The following CBFA2T2 variants were observed in gnomAD, a reference collection of about 807,000 sequenced individuals.
CBFA2T2 encodes the protein CBFA2/RUNX1 partner transcriptional co-repressor 2.
In CBFA2T2, 11 loss-of-function variants were observed where a neutral mutation model predicts 62.2. The observed-to-expected ratio is 0.18, with a 90% CI of 0.11 to 0.29. CBFA2T2 has a LOEUF of 0.29. Among genes scored for constraint, CBFA2T2 ranks in the 10% least tolerant of loss-of-function variants. The pLI, the probability that CBFA2T2 is intolerant of heterozygous loss-of-function variation, is 1.00. For synonymous variants in CBFA2T2, 295 were observed against 287.5 expected (o/e 1.03, Z -0.27); for missense variants, 592 against 774.1 (o/e 0.76, Z 2.79).
chr20:33,643,806 TATATATATATA>T (rs2016945547), intron 10 of CBFA2T2, among the ~76,000 whole-genome samples: 4 of 66,890 alleles, frequency 6.0e-5, no homozygotes, highest in Non-Finnish European at 8.3e-5. Flanking sequence ...TATATATATA[TATATATATATA>T]GTATATAATG....
chr20:33,604,924 A>G (rs1312432173), intron 1 of CBFA2T2, among the ~76,000 whole-genome samples: 1 of 152,228 alleles, frequency 6.6e-6, no homozygotes, highest in Non-Finnish European at 1.5e-5. Context: ...AAGAAAAGGC[A>G]AGCGCAACAG....
intron 3 of CBFA2T2, among the ~76,000 whole-genome samples, chr20:33,617,255 C>T (rs1229402186): frequency 6.6e-6 from 1 of 152,048 alleles, no homozygotes; most frequent in African/African-American, 2.4e-5. Context: ...AATTTTTAAG[C>T]AAATACGTCT....
At chr20:33,636,794 G>A in intron 9 of CBFA2T2, 86 bp downstream of exon 9, 2 of 988,648 alleles carry the variant, frequency 2.0e-6, no homozygotes, top group Non-Finnish European at 3.2e-6. Context: ...GTTGGTAACT[G>A]GGTCCTTTGG....
chr20:33,623,004 CAAGGAGAG>C, intron 4 of CBFA2T2, 103 bp from the exon 5 acceptor site: 1 of 965,392 alleles, frequency 1.0e-6, no homozygotes, highest in Admixed American at 2.6e-5. Flanking sequence ...ATCAGACTGC[CAAGGAGAG>C]AAAGGCTTTT....
At chr20:33,494,254 TATATATATATATA>T (rs2011172730) in intron 1 of CBFA2T2, among the ~76,000 whole-genome samples, 1 of 74,466 alleles carries the variant, frequency 1.3e-5, no homozygotes, top group African/African-American at 5.9e-5. Context: ...TATATATATA[TATATATATATATA>T]TATATATTTT....
At chr20:33,624,236 TAAAAAA>T (rs373462820) in intron 5 of CBFA2T2, among the ~76,000 whole-genome samples, 1,563 of 70,036 alleles carry the variant, frequency 0.022, 30 homozygotes, top group African/African-American at 0.065. Context: ...TTTTTAAAAG[TAAAAAA>T]AAAAAAAAAA....
intron 1 of CBFA2T2, among the ~76,000 whole-genome samples, chr20:33,508,363 G>A (rs1003418423): frequency 1.1e-4 from 17 of 152,130 alleles, no homozygotes; most frequent in African/African-American, 3.9e-4. Flanking sequence ...CCAAAGTGCT[G>A]GGAGAACAGG....
intron 1 of CBFA2T2, among the ~76,000 whole-genome samples, chr20:33,526,466 G>T (rs2011890390): frequency 6.6e-6 from 1 of 152,050 alleles, no homozygotes; most frequent in Non-Finnish European, 1.5e-5. Context: ...ACCACATTTT[G>T]TTTATTCATT....
chr20:33,516,164 C>CTT (rs1379285538), intron 1 of CBFA2T2, among the ~76,000 whole-genome samples: 1 of 151,810 alleles, frequency 6.6e-6, no homozygotes, highest in Non-Finnish European at 1.5e-5. Context: ...AAAAAATGAA[C>CTT]AATAATTTAA....
At chr20:33,525,106 G>C (rs2011848833) in intron 1 of CBFA2T2, among the ~76,000 whole-genome samples, 1 of 152,112 alleles carries the variant, frequency 6.6e-6, no homozygotes, top group African/African-American at 2.4e-5. Context: ...AGAGTGCTGG[G>C]ATTACAGGCG....
intron 1 of CBFA2T2, chr20:33,562,337 AG>A: frequency 1.0e-6 from 1 of 976,964 alleles, no homozygotes; most frequent in African/African-American, 1.7e-5. Context: ...GAGGGTTGGA[AG>A]GGTAGTGGAG....
chr20:33,544,955 T>G (rs199662904), intron 1 of CBFA2T2, among the ~76,000 whole-genome samples: 2 of 50,754 alleles, frequency 3.9e-5, no homozygotes, highest in African/African-American at 1.3e-4. Context: ...CAGAATAGAA[T>G]AGAATAGAAT....
intron 1 of CBFA2T2, among the ~76,000 whole-genome samples, chr20:33,551,507 C>T (rs1568815023): frequency 6.6e-6 from 1 of 151,996 alleles, no homozygotes. Flanking sequence ...TGAGCCACCA[C>T]ACCCAGCTCT....
In CBFA2T2 at chr20:33,537,305, C is replaced by T. The variant is rs141278476; in HGVS notation, c.34+47004C>T. ...CTGGAGACCAGCCCGGCCAACACAGCGAAACCCCGTCTCCACCAAAAAAGT... is the reference window on the plus strand; with the variant it reads ...CTGGAGACCAGCCCGGCCAACACAGTGAAACCCCGTCTCCACCAAAAAAGT... On this transcript the variant is annotated intron_variant, in intron 1 of 10. Coordinates refer to ENST00000342704, the MANE Select transcript of CBFA2T2 (RefSeq NM_001032999.3). Among the ~76,000 whole-genome samples, 820 of 152,358 alleles carry T rather than the reference C, an allele frequency of 5.4e-3. 7 individuals are homozygous for T. Among genetic ancestry groups the T allele is most frequent in the African/African-American group, 0.019 (788 of 41,580 alleles).
intron 3 of CBFA2T2, among the ~76,000 whole-genome samples, chr20:33,617,555 C>T (rs753914256): frequency 4.0e-4 from 61 of 152,180 alleles, no homozygotes; most frequent in Non-Finnish European, 7.9e-4. Context: ...TGTCTACCCA[C>T]AAGTATACTT....
intron 6 of CBFA2T2, among the ~76,000 whole-genome samples, chr20:33,625,295 GGGC>G (rs2016180934): frequency 1.3e-5 from 2 of 152,072 alleles, no homozygotes; most frequent in Non-Finnish European, 2.9e-5. Context: ...AAGCCAGTCT[GGGC>G]AACATAGTGA....
chr20:33,540,948 G>A (rs2012395205), intron 1 of CBFA2T2, among the ~76,000 whole-genome samples: 1 of 152,138 alleles, frequency 6.6e-6, no homozygotes, highest in South Asian at 2.1e-4. Context: ...CTAGAGTTGT[G>A]CAAGTAGAAG....
rs980330275 is a variant in CBFA2T2 at position 33,642,227 on chromosome 20, A to G, written c.1488+1696A>G. ...GAACTCCTGGGCTCAAGCTATATAT[A>G]CTCTTGCTTCTGCCTCCCTAAGAGC... On this transcript the variant is annotated intron_variant, in intron 10 of 10. Transcript: ENST00000342704. Among the ~76,000 whole-genome samples the G allele has an allele frequency of 2.7e-5, 4 of 149,542 alleles. No individual in the cohort carries two copies. In the East Asian group the frequency reaches 5.9e-4, roughly 22 times the overall value.
intron 1 of CBFA2T2, among the ~76,000 whole-genome samples, chr20:33,510,546 TTGGG>T (rs1293166253): frequency 9.2e-5 from 14 of 152,132 alleles, no homozygotes; most frequent in Admixed American, 9.2e-4. Flanking sequence ...TGATGGACAT[TTGGG>T]TTGGTTCCGA....
Sources: allele counts gnomAD v4.1 joint callset (sites outside exome capture counted in the v4.1 genomes callset), GRCh38; gene constraint gnomAD v4.1.1; transcripts MANE v1.5; gene names NCBI Gene and HGNC (gene_info 2026-07-23, HGNC 2026-07-21).